Variants in NWD1 observed in about 807,000 individuals in gnomAD.
NWD1 encodes the protein NACHT and WD repeat domain containing 1.
A neutral mutation model predicts 135.1 loss-of-function variants in NWD1; 129 were observed. The observed-to-expected ratio is 0.96, with a 90% CI of 0.83 to 1.11. The LOEUF (loss-of-function observed/expected upper bound fraction) is 1.11, where lower values mean the gene tolerates loss of function less well. Among genes scored for constraint, NWD1 ranks in the 50% least tolerant of loss-of-function variants. The pLI, the probability that NWD1 is intolerant of heterozygous loss-of-function variation, is 0.00. For missense variants in NWD1, 1,740 were observed against 1,851.3 expected (o/e 0.94, Z 1.10); for synonymous variants, 773 against 786.0 (o/e 0.98, Z 0.28).
chr19:16,727,959 G>C (rs1967395574), intron 2 of NWD1, among the ~76,000 whole-genome samples: 1 of 152,064 alleles, frequency 6.6e-6, no homozygotes, highest in Admixed American at 6.6e-5. Context: ...CTACTTGAGA[G>C]GCTGAGGCAG....
chr19:16,743,367 C>CA (rs1223696849), intron 4 of NWD1, among the ~76,000 whole-genome samples: 1 of 152,132 alleles, frequency 6.6e-6, no homozygotes, highest in Non-Finnish European at 1.5e-5. Context: ...CACACCCCCA[C>CA]ACCCTGATAA....
At position 16,797,741 on chromosome 19, in the gene NWD1, G is replaced by A. The variant is rs1398147593; in HGVS notation, c.3314G>A (p.Arg1105Lys). 17 of 1,613,846 alleles carry A rather than the reference G, an allele frequency of 1.1e-5. No homozygotes were observed. The highest frequency in any genetic ancestry group is 1.4e-5 in the Non-Finnish European group (16 of 1,179,840). Residue 1105 changes from arginine to lysine, a missense_variant, in exon 16 of 19, where the codon AGA (arginine) becomes AAA (lysine). Transcript: ENST00000524140. The part of the protein sequence containing the change: ...DESLLAAGFG[R>K]SVRIFLADSR... ...GTTCCTGCCGTTTCAGGCTTTGGAAGATCGGTGCGGATATTCTTGGCGGAC... is the reference window on the plus strand; with the variant it reads ...GTTCCTGCCGTTTCAGGCTTTGGAAAATCGGTGCGGATATTCTTGGCGGAC...
At chr19:16,720,998 A>G (rs993126226) in intron 1 of NWD1, among the ~76,000 whole-genome samples, 1 of 151,948 alleles carries the variant, frequency 6.6e-6, no homozygotes. Flanking sequence ...TTACAGGTAC[A>G]TGCCACCGCG....
chr19:16,811,772 C>G (rs1970932535), intron 18 of NWD1, among the ~76,000 whole-genome samples: 1 of 152,072 alleles, frequency 6.6e-6, no homozygotes, highest in Non-Finnish European at 1.5e-5. Flanking sequence ...GATCCATCCC[C>G]CTGTGGGGCG....
chr19:16,790,463 G>A (rs1028236584), intron 13 of NWD1, among the ~76,000 whole-genome samples: 10 of 151,488 alleles, frequency 6.6e-5, no homozygotes, highest in Non-Finnish European at 1.0e-4. Context: ...CTTGAAATTC[G>A]GGGGGTAGGG....
chr19:16,761,344 TTCTTTC>T (rs997664764), intron 7 of NWD1, among the ~76,000 whole-genome samples: 2 of 148,446 alleles, frequency 1.3e-5, no homozygotes, highest in African/African-American at 5.2e-5. Context: ...CCTGTTCCCT[TTCTTTC>T]TCTTTCTTTC....
chr19:16,758,762 C>G (rs762009990), intron 6 of NWD1, among the ~76,000 whole-genome samples: 4 of 152,026 alleles, frequency 2.6e-5, no homozygotes, highest in Admixed American at 6.6e-5. Flanking sequence ...AAAAGATTGG[C>G]ACTTTGGGAG....
rs190709494 is a variant in NWD1, at chr19:16,764,849, G to A, written c.2252-185G>A. Reference sequence around the variant, plus strand: ...ACTGGTATCTGGTGGGTGGAGGCCAGGGTTGCTGCTTTACATCCCACAATG... The same window carrying A: ...ACTGGTATCTGGTGGGTGGAGGCCAAGGTTGCTGCTTTACATCCCACAATG... On this transcript the variant is annotated intron_variant, in intron 9 of 18. Coordinates refer to ENST00000524140, the MANE Select transcript of NWD1 (RefSeq NM_001007525.5). Among the ~76,000 whole-genome samples, 72 of 152,272 alleles carry A rather than the reference G, an allele frequency of 4.7e-4. 1 individual carries two copies. The highest frequency in any genetic ancestry group is 6.8e-3 in the Middle Eastern group (2 of 294).
At chr19:16,814,720 A>G (rs1179184646) in intron 18 of NWD1, among the ~76,000 whole-genome samples, 3 of 152,130 alleles carry the variant, frequency 2.0e-5, no homozygotes, top group South Asian at 2.1e-4. Context: ...CCAGTTCACA[A>G]CCTCTCTTCC....
At chr19:16,776,161 T>C (rs558858916) in intron 11 of NWD1, among the ~76,000 whole-genome samples, 2 of 152,306 alleles carry the variant, frequency 1.3e-5, no homozygotes, top group African/African-American at 4.8e-5. Context: ...TTCTCATCTC[T>C]GGGGCAGGGA....
chr19:16,728,106 T>C (rs73521203), intron 2 of NWD1, among the ~76,000 whole-genome samples: 4,418 of 151,866 alleles, frequency 0.029, 194 homozygotes, highest in African/African-American at 0.099. Context: ...TATTAGATAA[T>C]AGCATGCAGC....
In NWD1 at chr19:16,750,053, G is replaced by A. The variant is rs768716824; in HGVS notation, c.1411G>A (p.Gly471Arg). The change falls in exon 6 of 19, where the codon GGG (glycine) becomes AGG (arginine). Residue 471 changes from glycine to arginine, a missense_variant. Gly to Arg is a moderately radical substitution (Grantham distance 125). Coordinates refer to ENST00000524140, the MANE Select transcript of NWD1 (RefSeq NM_001007525.5). Reference sequence around the variant, plus strand: ...GCACCTCATCCTCTCAGCTTGCTCGGGGGCACTGGGGGTTTTGGACACCTT... The same window carrying A: ...GCACCTCATCCTCTCAGCTTGCTCGAGGGCACTGGGGGTTTTGGACACCTT... The part of the protein sequence containing the change: ...RVHLILSACS[G>R]ALGVLDTLQR... 1 of 1,613,960 alleles carries A rather than the reference G, an allele frequency of 6.2e-7. No homozygotes were observed. Among genetic ancestry groups the A allele is most frequent in the South Asian group, 1.1e-5 (1 of 91,078 alleles).
chr19:16,800,308 T>C, intron 17 of NWD1, 146 bp downstream of exon 17: 1 of 764,420 alleles, frequency 1.3e-6, no homozygotes, highest in South Asian at 2.0e-5. Flanking sequence ...CCTTGGCGGG[T>C]GGATCACCTG....
chr19:16,736,193 T>TTTCCTTCCTTCTTTCCTTCCTTCC (rs1967803658), intron 3 of NWD1, among the ~76,000 whole-genome samples: 2 of 32,068 alleles, frequency 6.2e-5, no homozygotes, highest in Non-Finnish European at 1.4e-4. Flanking sequence ...TCTTTCCTTC[T>TTTCCTTCCTTCTTTCCTTCCTTCC]TTCCTTCCTT....
In NWD1 at chr19:16,724,412, C is replaced by G. The variant is rs1967248271; in HGVS notation, c.-58C>G. 6.6e-6 allele frequency: 1 copy of G among 152,138 alleles called. No homozygotes were observed. Among genetic ancestry groups the G allele is most frequent in the African/African-American group, 2.4e-5 (1 of 41,444 alleles). The allele number at this position is 152,138 out of a possible 1,614,324, so 9.4% of individuals were successfully genotyped here. ...GAGGGAGACCACTTGCTTAAGTCCT[C>G]CAGGAGGGCGATGGAGGAGCCGGCA... is the stretch of plus-strand genomic sequence containing the variant. On this transcript the variant is annotated 5_prime_UTR_variant, in exon 2 of 19. Transcript: ENST00000524140.
At chr19:16,796,705 C>T (rs1970427219) in intron 15 of NWD1, among the ~76,000 whole-genome samples, 1 of 150,440 alleles carries the variant, frequency 6.6e-6, no homozygotes, top group South Asian at 2.1e-4. Context: ...ACTTTTCTTC[C>T]TCTCTACCTC....
chr19:16,745,856 G>T (rs1008233524), intron 5 of NWD1, among the ~76,000 whole-genome samples: 2 of 152,184 alleles, frequency 1.3e-5, no homozygotes, highest in Non-Finnish European at 2.9e-5. Flanking sequence ...GTTGGAGGCT[G>T]CATTGAGCTA....
At chr19:16,760,474 G>T (rs1968968428) in intron 7 of NWD1, among the ~76,000 whole-genome samples, 1 of 151,734 alleles carries the variant, frequency 6.6e-6, no homozygotes, top group African/African-American at 2.4e-5. Context: ...TGCCCAGGCT[G>T]GTCTCGAGCT....
chr19:16,783,574 C>T (rs1969935485), intron 12 of NWD1, among the ~76,000 whole-genome samples: 1 of 151,466 alleles, frequency 6.6e-6, no homozygotes, highest in Non-Finnish European at 1.5e-5. Context: ...GTGGAGGTTG[C>T]AGTGAGCCGA....
Sources: allele counts gnomAD v4.1 joint callset (sites outside exome capture counted in the v4.1 genomes callset), GRCh38; gene constraint gnomAD v4.1.1; transcripts MANE v1.5; gene names NCBI Gene and HGNC (gene_info 2026-07-23, HGNC 2026-07-21).